PTCHD4: variants seen among roughly 807,000 people sequenced by gnomAD.
PTCHD4 encodes the protein patched domain containing 4, also known as patched domain-containing protein 4.
In PTCHD4, 33 loss-of-function variants were observed where a neutral mutation model predicts 58.1. That is an observed-to-expected ratio of 0.57 (90% CI 0.43 to 0.76). The LOEUF is 0.76. PTCHD4 is among the 30% of genes least tolerant of loss of function. The pLI is 0.00. For missense variants in PTCHD4, 1,058 were observed against 1,027.1 expected (o/e 1.03, Z -0.41); for synonymous variants, 478 against 409.6 (o/e 1.17, Z -2.02).
At chr6:47,978,189 G>A (rs914951577) in intron 4 of PTCHD4, among the ~76,000 whole-genome samples, 17 of 149,482 alleles carry the variant, frequency 1.1e-4, no homozygotes, top group African/African-American at 4.0e-4. Context: ...ATTTCCTTTT[G>A]TTTGTAGAGT....
intron 4 of PTCHD4, among the ~76,000 whole-genome samples, chr6:47,889,562 T>A (rs1764312749): frequency 6.6e-6 from 1 of 152,124 alleles, no homozygotes; most frequent in African/African-American, 2.4e-5. Context: ...TATCTACAAC[T>A]ATCTGATCTT....
At chr6:47,951,417 T>C (rs77078834) in intron 4 of PTCHD4, among the ~76,000 whole-genome samples, 7,328 of 152,294 alleles carry the variant, frequency 0.048, 209 homozygotes, top group African/African-American at 0.063. Flanking sequence ...TTGGAGGATG[T>C]GTGACTAGTG....
intron 4 of PTCHD4, among the ~76,000 whole-genome samples, chr6:47,999,815 T>C (rs1045087904): frequency 6.6e-6 from 1 of 152,172 alleles, no homozygotes; most frequent in South Asian, 2.1e-4. Context: ...CCTAAAACAA[T>C]TATCTGACCC....
chr6:47,877,064 C>T lies in PTCHD4; in HGVS notation c.*1239G>A, dbSNP rs1314175704. Among the ~76,000 whole-genome samples, 3 of 151,832 alleles carry T rather than the reference C, an allele frequency of 2.0e-5. No homozygotes were observed. The highest frequency in any genetic ancestry group is 2.0e-4 in the Admixed American group (3 of 15,198). On this transcript the variant is annotated 3_prime_UTR_variant, in exon 5 of 5. Transcript: ENST00000339488. Reference sequence around the variant, plus strand: ...TAGTGATCATGGCCTGGGTTATGTTCCAAATACTAATGCAAGGAATACACT... The same window carrying T: ...TAGTGATCATGGCCTGGGTTATGTTTCAAATACTAATGCAAGGAATACACT...
intron 1 of PTCHD4, among the ~76,000 whole-genome samples, chr6:48,084,175 A>G (rs886550183): frequency 2.0e-5 from 3 of 152,218 alleles, no homozygotes; most frequent in Non-Finnish European, 2.9e-5. Context: ...TCACACAGCT[A>G]TTGCCAACTA....
At chr6:48,065,906 C>T (rs1475173581) in intron 3 of PTCHD4, among the ~76,000 whole-genome samples, 1 of 152,102 alleles carries the variant, frequency 6.6e-6, no homozygotes, top group Admixed American at 6.5e-5. Context: ...ATGATATTAA[C>T]CTTTGTAATT....
chr6:48,070,260 G>T (rs533300186), intron 1 of PTCHD4, among the ~76,000 whole-genome samples: 1 of 152,052 alleles, frequency 6.6e-6, no homozygotes, highest in African/African-American at 2.4e-5. Flanking sequence ...TCATAGAAAA[G>T]ATTGAGTTTC....
intron 4 of PTCHD4, among the ~76,000 whole-genome samples, chr6:47,935,243 T>C (rs754610378): frequency 2.6e-5 from 4 of 152,220 alleles, no homozygotes; most frequent in Non-Finnish European, 5.9e-5. Flanking sequence ...AATTAAACTA[T>C]AAGATCAATT....
intron 4 of PTCHD4, among the ~76,000 whole-genome samples, chr6:47,938,382 A>C (rs2113919485): frequency 6.6e-6 from 1 of 152,268 alleles, no homozygotes; most frequent in East Asian, 1.9e-4. Flanking sequence ...GAACACCTCT[A>C]GGCATCAACA....
At chr6:48,059,171 T>C (rs1346753473) in intron 3 of PTCHD4, among the ~76,000 whole-genome samples, 1 of 152,182 alleles carries the variant, frequency 6.6e-6, no homozygotes, top group Non-Finnish European at 1.5e-5. Flanking sequence ...CTCGGGAGCT[T>C]GCTTGAAATG....
chr6:47,902,544 T>G (rs1292801279), intron 4 of PTCHD4, among the ~76,000 whole-genome samples: 1 of 152,216 alleles, frequency 6.6e-6, no homozygotes, highest in African/African-American at 2.4e-5. Context: ...GAAGAGGATT[T>G]AAATTGATAA....
chr6:48,095,100 T>G (rs1168302523), intron 1 of PTCHD4, among the ~76,000 whole-genome samples: 1 of 152,326 alleles, frequency 6.6e-6, no homozygotes, highest in East Asian at 1.9e-4. Context: ...TCTTGATGTG[T>G]TGATAGTTTC....
intron 4 of PTCHD4, among the ~76,000 whole-genome samples, chr6:47,886,621 G>A (rs1469807662): frequency 6.6e-6 from 1 of 152,000 alleles, no homozygotes; most frequent in Non-Finnish European, 1.5e-5. Context: ...ACATCCCAAT[G>A]CCAACTAAAT....
chr6:48,044,850 A>C (rs1219839126), intron 3 of PTCHD4, among the ~76,000 whole-genome samples: 1 of 151,832 alleles, frequency 6.6e-6, no homozygotes. Flanking sequence ...GTCAAACAGC[A>C]TTCATACCAT....
intron 3 of PTCHD4, among the ~76,000 whole-genome samples, chr6:48,050,884 A>G (rs1764209341): frequency 6.6e-6 from 1 of 152,076 alleles, no homozygotes; most frequent in African/African-American, 2.4e-5. Context: ...TCAGATAACA[A>G]TATCTAGATT....
chr6:48,093,720 T>A (rs973760266), intron 1 of PTCHD4, among the ~76,000 whole-genome samples: 2 of 150,744 alleles, frequency 1.3e-5, no homozygotes, highest in Admixed American at 6.6e-5. Flanking sequence ...CATATATTAA[T>A]TAACTATAAC....
At chr6:48,047,982 A>C (rs1764096964) in intron 3 of PTCHD4, among the ~76,000 whole-genome samples, 1 of 149,198 alleles carries the variant, frequency 6.7e-6, no homozygotes, top group African/African-American at 2.5e-5. Context: ...ATGAAAATGG[A>C]TATTGTGTCC....
chr6:48,095,225 T>A (rs964642932), intron 1 of PTCHD4, among the ~76,000 whole-genome samples: 1 of 152,214 alleles, frequency 6.6e-6, no homozygotes, highest in Non-Finnish European at 1.5e-5. Flanking sequence ...TAAAGTTTTT[T>A]AAAGAAATAA....
intron 1 of PTCHD4, among the ~76,000 whole-genome samples, chr6:48,070,151 GTGTGTA>G (rs10595258): frequency 0.14 from 20,692 of 148,650 alleles, 1,356 homozygotes; most frequent in African/African-American, 0.17. Context: ...GTGTGTGTGT[GTGTGTA>G]TATATATATA....
Sources: allele counts gnomAD v4.1 joint callset (sites outside exome capture counted in the v4.1 genomes callset), GRCh38; gene constraint gnomAD v4.1.1; transcripts MANE v1.5; gene names NCBI Gene and HGNC (gene_info 2026-07-23, HGNC 2026-07-21).